DIPK1B: variants seen among roughly 807,000 people sequenced by gnomAD.
DIPK1B encodes divergent protein kinase domain 1B.
A neutral mutation model predicts 20.7 loss-of-function variants in DIPK1B; 17 were observed. That is an observed-to-expected ratio of 0.82 (90% CI 0.56 to 1.23). DIPK1B has a LOEUF of 1.23. DIPK1B is among the 50% of genes most tolerant of loss of function. DIPK1B has a pLI of 0.00. For missense variants in DIPK1B, 648 were observed against 601.8 expected (o/e 1.08, Z -0.80); for synonymous variants, 343 against 276.5 (o/e 1.24, Z -2.39).
At chr9:136,718,695 G>A (rs1372945297) in intron 2 of DIPK1B, among the ~76,000 whole-genome samples, 2 of 152,318 alleles carry the variant, frequency 1.3e-5, no homozygotes, top group Admixed American at 6.5e-5. Flanking sequence ...GTTGTCATAG[G>A]GTGATTGGGT....
In DIPK1B at chr9:136,723,924, A is replaced by C; in HGVS notation, c.*150A>C. 2 of 798,610 alleles carry C rather than the reference A, an allele frequency of 2.5e-6. No homozygotes were observed. The highest frequency in any genetic ancestry group is 3.9e-6 in the Non-Finnish European group (2 of 515,580). 49.5% of individuals were successfully genotyped at this position (798,610 alleles called of 1,614,324 possible). On this transcript the variant is annotated 3_prime_UTR_variant, in exon 5 of 5. Coordinates refer to ENST00000371692, the MANE Select transcript of DIPK1B (RefSeq NM_152421.4). Reference sequence around the variant, plus strand: ...TCAGGGCTCTGGATTCCAGCACCACAGACATGAGACCCCAGCTCGGAGCAA... The same window carrying C: ...TCAGGGCTCTGGATTCCAGCACCACCGACATGAGACCCCAGCTCGGAGCAA...
Position 136,723,694 on chromosome 9 carries a change from G to C in DIPK1B, c.1216G>C (p.Val406Leu). Reference sequence around the variant, plus strand: ...CACGCTGAGCGGGCTGGCCAGCCAGGTGGAGGCCCATCACTCGCTGGTGCT... The same window carrying C: ...CACGCTGAGCGGGCTGGCCAGCCAGCTGGAGGCCCATCACTCGCTGGTGCT... The part of the protein sequence containing the change: ...CTTLSGLASQ[V>L]EAHHSLVLSH... The change falls in exon 5 of 5, where the codon GTG becomes CTG. Residue 406 changes from valine to leucine, a missense_variant. Val to Leu is a conservative substitution (Grantham distance 32). Transcript: ENST00000371692. 1 of 1,540,268 alleles carries C rather than the reference G, an allele frequency of 6.5e-7. No individual in the cohort carries two copies. The highest frequency in any genetic ancestry group is 8.7e-7 in the Non-Finnish European group (1 of 1,147,606).
At chr9:136,715,636 T>G (rs986866645) in intron 1 of DIPK1B, among the ~76,000 whole-genome samples, 3 of 151,806 alleles carry the variant, frequency 2.0e-5, no homozygotes, top group African/African-American at 7.3e-5. Flanking sequence ...TGCCTCAGTC[T>G]CCCAAGTAGC....
intron 1 of DIPK1B, among the ~76,000 whole-genome samples, chr9:136,714,357 G>T (rs569608473): frequency 1.2e-4 from 19 of 152,346 alleles, no homozygotes; most frequent in African/African-American, 4.6e-4. Context: ...AGAGCTGGGG[G>T]ATGAACCAGA....
rs1235934768 is a variant in DIPK1B, at chr9:136,723,787, G to A, written c.*13G>A. ...CAAGTACTCTTGATGGGGCAGTGAG[G>A]GGCCTGGCCACCCTTCCTGGAGCTG... On this transcript the variant is annotated 3_prime_UTR_variant, in exon 5 of 5. Coordinates refer to ENST00000371692, the MANE Select transcript of DIPK1B (RefSeq NM_152421.4). 1.3e-6 allele frequency: 2 copies of A among 1,531,508 alleles called. No homozygotes were observed. The highest frequency in any genetic ancestry group is 3.9e-5 in the Admixed American group (2 of 50,852). The allele number at this position is 1,531,508 out of a possible 1,614,324, so 94.9% of individuals were successfully genotyped here. A position where few individuals can be genotyped will look rare whatever the true frequency, so the allele number is the denominator to read the frequency against.
intron 4 of DIPK1B, chr9:136,722,546 T>C (rs1218418561): frequency 8.5e-6 from 5 of 588,138 alleles, no homozygotes; most frequent in Non-Finnish European, 1.5e-5. Flanking sequence ...GCTCCTGCAG[T>C]CAAGGGCCGT....
In DIPK1B at chr9:136,722,916, A is replaced by G. The variant is rs774142541; in HGVS notation, c.484-46A>G. The stretch of plus-strand genomic sequence containing the variant: ...GGTAAAGGCCAGGTCGTGCTCCCAG[A>G]CATCAAATCAGCTGGCTTTTCCTTT... On this transcript the variant is annotated intron_variant, in intron 4 of 4. Coordinates refer to ENST00000371692, the MANE Select transcript of DIPK1B (RefSeq NM_152421.4). 4.6e-6 allele frequency: 7 copies of G among 1,532,756 alleles called. 1 individual carries two copies. In the South Asian group the frequency reaches 8.7e-5, roughly 19 times the overall value. The allele number at this position is 1,532,756 out of a possible 1,614,324, so 94.9% of individuals were successfully genotyped here.
intron 4 of DIPK1B, 25 bp from the exon 5 acceptor site, chr9:136,722,931 GCTTTTC>G: frequency 6.4e-7 from 1 of 1,570,672 alleles, no homozygotes; most frequent in South Asian, 1.2e-5. Context: ...AAATCAGCTG[GCTTTTC>G]CTTTCTTTTG....
rs567345646 is a variant in DIPK1B, at chr9:136,721,378, A to G, written c.199-543A>G. On this transcript the variant is annotated intron_variant, in intron 2 of 4. Coordinates refer to ENST00000371692, the MANE Select transcript of DIPK1B (RefSeq NM_152421.4). ...TAGGAAACAAGTTCAGAAATGTCTC[A>G]CTTACTATTCCGGGCAGGGAGGGCG... 4.4e-3 allele frequency: 687 copies of G among 155,100 alleles called. 5 individuals carry two copies. The highest frequency in any genetic ancestry group is 5.3e-3 in the Non-Finnish European group (369 of 69,928). 9.6% of individuals were successfully genotyped at this position (155,100 alleles called of 1,614,324 possible).
At position 136,724,686 on chromosome 9, in the gene DIPK1B, C is replaced by T. The variant is rs889013146; in HGVS notation, c.*912C>T. 2 of 152,252 alleles carry T rather than the reference C, an allele frequency of 1.3e-5. No homozygotes were observed. Among genetic ancestry groups the T allele is most frequent in the African/African-American group, 4.8e-5 (2 of 41,460 alleles). The allele number at this position is 152,252 out of a possible 1,614,324, so 9.4% of individuals were successfully genotyped here. A position where few individuals can be genotyped will look rare whatever the true frequency, so the allele number is the denominator to read the frequency against. ...ATTTAAATCTTTTAATTCACTTCATCCTGTATTTTAAAATAAATGTTTTCC... is the reference window on the plus strand; with the variant it reads ...ATTTAAATCTTTTAATTCACTTCATTCTGTATTTTAAAATAAATGTTTTCC... On this transcript the variant is annotated 3_prime_UTR_variant, in exon 5 of 5. Coordinates refer to ENST00000371692, the MANE Select transcript of DIPK1B (RefSeq NM_152421.4).
intron 2 of DIPK1B, chr9:136,721,295 C>T (rs1421668398): frequency 6.6e-6 from 1 of 152,390 alleles, no homozygotes; most frequent in African/African-American, 2.4e-5. Context: ...AAAGCCCTGC[C>T]TGGGTGGGGC....
rs1229782872 is a variant in DIPK1B at position 136,724,733 on chromosome 9, G to A, written c.*959G>A. 1 of 152,218 alleles carries A rather than the reference G, an allele frequency of 6.6e-6. No homozygotes were observed. Among genetic ancestry groups the A allele is most frequent in the East Asian group, 1.9e-4 (1 of 5,200 alleles). 9.4% of individuals were successfully genotyped at this position (152,218 alleles called of 1,614,324 possible). Reference sequence around the variant, plus strand: ...TTCCATATAGATTTTCCCCTTGGGGGGGAAAAGAATTCAGGGTCTTAGGTT... The same window carrying A: ...TTCCATATAGATTTTCCCCTTGGGGAGGAAAAGAATTCAGGGTCTTAGGTT... On this transcript the variant is annotated 3_prime_UTR_variant, in exon 5 of 5. Coordinates refer to ENST00000371692, the MANE Select transcript of DIPK1B (RefSeq NM_152421.4).
In DIPK1B at chr9:136,720,282, C is replaced by T. The variant is rs118085053; in HGVS notation, c.199-1639C>T. On this transcript the variant is annotated intron_variant, in intron 2 of 4. Transcript: ENST00000371692. ...GGACAGACGCTGCCTTCATGACTCA[C>T]GTGGCGGGGTCCTCGGCCTCCAGTT... Among the ~76,000 whole-genome samples the T allele has an allele frequency of 1.1e-4, 17 of 152,308 alleles. No homozygotes were observed. In the East Asian group the frequency reaches 3.1e-3, roughly 28 times the overall value.
Position 136,712,644 on chromosome 9 carries a change from G to T in DIPK1B, c.-22G>T, listed in dbSNP as rs1192164843. On this transcript the variant is annotated 5_prime_UTR_variant, in exon 1 of 5. Transcript: ENST00000371692. This position sits in a 1 kb window ranked among gnomAD's most constrained non-coding sequence, Gnocchi z 5.6. ...AGGCCGAGCGAGCCGCGGGGCCCGCGCAGCCCCGGCCGGAGCCCACCATGC... is the reference window on the plus strand; with the variant it reads ...AGGCCGAGCGAGCCGCGGGGCCCGCTCAGCCCCGGCCGGAGCCCACCATGC... 2 of 1,172,770 alleles carry T rather than the reference G, an allele frequency of 1.7e-6. No homozygotes were observed. The highest frequency in any genetic ancestry group is 2.1e-6 in the Non-Finnish European group (2 of 949,006). The allele number at this position is 1,172,770 out of a possible 1,614,324, so 72.6% of individuals were successfully genotyped here. A position where few individuals can be genotyped will look rare whatever the true frequency, so the allele number is the denominator to read the frequency against.
Position 136,724,022 on chromosome 9 carries a change from A to G in DIPK1B, c.*248A>G, listed in dbSNP as rs1846664968. The G allele has an allele frequency of 1.9e-6, 1 of 540,532 alleles. No individual in the cohort carries two copies. The highest frequency in any genetic ancestry group is 2.0e-5 in the South Asian group (1 of 48,918). 33.5% of individuals were successfully genotyped at this position (540,532 alleles called of 1,614,324 possible). A position where few individuals can be genotyped will look rare whatever the true frequency, so the allele number is the denominator to read the frequency against. On this transcript the variant is annotated 3_prime_UTR_variant, in exon 5 of 5. Coordinates refer to ENST00000371692, the MANE Select transcript of DIPK1B (RefSeq NM_152421.4). ...TACTCTGAAGAACGTAATGTCAATA[A>G]ACAGCTTTTATGTAATGCCCAGGGC...
intron 1 of DIPK1B, among the ~76,000 whole-genome samples, chr9:136,715,517 CTT>C (rs113806770): frequency 7.6e-5 from 11 of 144,240 alleles, no homozygotes; most frequent in Admixed American, 2.1e-4. Context: ...TGCCTGCTTA[CTT>C]TTTTTTTTTT....
rs374008077 is a variant in DIPK1B, at chr9:136,717,579, C to T, written c.66C>T (p.Gly22=). The change falls in exon 2 of 5, where the codon GGC becomes GGT. Residue 22 remains glycine (G), a splice_region_variant and synonymous_variant. Coordinates refer to ENST00000371692, the MANE Select transcript of DIPK1B (RefSeq NM_152421.4). ...TCACGCAGCCCCTTCCCCCACAGGG[C>T]CGGCTCCCAGGCCTCAGGGTCCGCT... The part of the protein sequence containing the change: ...LFCPFSKRLQ[G]RLPGLRVRCI... 20 of 1,598,594 alleles carry T rather than the reference C, an allele frequency of 1.3e-5. No individual in the cohort carries two copies. The East Asian group carries it at 2.5e-4, about 20-fold the overall frequency.
intron 2 of DIPK1B, 138 bp downstream of exon 2, chr9:136,717,849 A>T (rs1200128588): frequency 7.4e-7 from 1 of 1,352,196 alleles, no homozygotes; most frequent in Non-Finnish European, 1.0e-6. Flanking sequence ...GGAATCTGCA[A>T]AGCTGCCTCA....
chr9:136,719,527 G>A (rs896965591), intron 2 of DIPK1B, among the ~76,000 whole-genome samples: 14 of 152,228 alleles, frequency 9.2e-5, no homozygotes, highest in African/African-American at 1.7e-4. Context: ...CAGGGCCCTC[G>A]CGAGGCCAAG....
Sources: gnomAD v4.1 joint callset for allele counts (sites outside exome capture counted in the v4.1 genomes callset) on GRCh38, gnomAD v4.1.1 for gene constraint, Gnocchi (gnomAD v3.1) non-coding constraint, MANE v1.5 for transcripts, NCBI Gene and HGNC (gene_info 2026-07-23, HGNC 2026-07-21) for gene names.